GLI3: variants seen among roughly 807,000 people sequenced by gnomAD.
GLI3 encodes transcription activator GLI3.
A neutral mutation model predicts 100.8 loss-of-function variants in GLI3; 20 were observed. The ratio of observed to expected loss-of-function variants is 0.20; its 90% CI spans 0.14 to 0.29. The LOEUF is 0.29. Among genes scored for constraint, GLI3 ranks in the 10% least tolerant of loss-of-function variants. The pLI is 1.00. For missense variants in GLI3, 2,040 were observed against 2,128.5 expected (o/e 0.96, Z 0.82); for synonymous variants, 938 against 860.5 (o/e 1.09, Z -1.58).
At chr7:42,236,089 A>C in intron 1 of GLI3, among the ~76,000 whole-genome samples, 1 of 152,084 alleles carries the variant, frequency 6.6e-6, no homozygotes, top group South Asian at 2.1e-4. Context: ...ACAGGAGCAC[A>C]AAGTTCAGGA....
chr7:41,970,859 A>G (rs1421214664), intron 13 of GLI3, among the ~76,000 whole-genome samples: 3 of 152,216 alleles, frequency 2.0e-5, no homozygotes. Flanking sequence ...GTTCTGTACA[A>G]TTATTATACA....
At chr7:41,988,827 C>G (rs188502303) in intron 10 of GLI3, among the ~76,000 whole-genome samples, 2 of 152,148 alleles carry the variant, frequency 1.3e-5, no homozygotes, top group East Asian at 3.9e-4. Flanking sequence ...TTTCTGAGTT[C>G]TAAGTTATTT....
intron 2 of GLI3, among the ~76,000 whole-genome samples, chr7:42,211,217 C>T (rs934201139): frequency 1.3e-5 from 2 of 149,792 alleles, no homozygotes; most frequent in African/African-American, 2.5e-5. Flanking sequence ...GGAAAAGAGC[C>T]GAAAGGCTTT....
At chr7:42,123,438 G>A (rs188270069) in intron 3 of GLI3, among the ~76,000 whole-genome samples, 16 of 152,162 alleles carry the variant, frequency 1.1e-4, no homozygotes, top group Non-Finnish European at 1.5e-5. Flanking sequence ...AAATACATAC[G>A]CATTAAAATG....
chr7:42,235,612 T>A (rs1275169059), intron 1 of GLI3, among the ~76,000 whole-genome samples: 1 of 152,214 alleles, frequency 6.6e-6, no homozygotes, highest in Non-Finnish European at 1.5e-5. Context: ...GTGTATATAC[T>A]GTGCTCTGGA....
chr7:42,238,308 G>T (rs548370500), upstream of GLI3, among the ~76,000 whole-genome samples: 1 of 152,150 alleles, frequency 6.6e-6, no homozygotes, highest in East Asian at 2.0e-4. Flanking sequence ...TTGCTCAAGG[G>T]CTGGACTCCC....
Position 42,039,705 on chromosome 7 carries a change from T to G in GLI3, c.1028+333A>C, listed in dbSNP as rs543031126. Among the ~76,000 whole-genome samples the G allele has an allele frequency of 9.8e-5, 15 of 152,352 alleles. No homozygotes were observed. In the East Asian group the frequency reaches 2.9e-3, roughly 29 times the overall value. ...TCATACAACCAGGTATGAAGTCAGT[T>G]TTCCTCTAGAGAACATTATTACAAG... On this transcript the variant is annotated intron_variant, in intron 7 of 14. Transcript: ENST00000395925.
chr7:42,014,617 A>G (rs1303302537), intron 10 of GLI3, among the ~76,000 whole-genome samples: 1 of 152,078 alleles, frequency 6.6e-6, no homozygotes, highest in Non-Finnish European at 1.5e-5. Context: ...TCCAATCTCC[A>G]TGAGATGTAT....
intron 1 of GLI3, among the ~76,000 whole-genome samples, chr7:42,263,384 A>C (rs996508979): frequency 6.6e-6 from 1 of 152,194 alleles, no homozygotes; most frequent in Admixed American, 6.5e-5. Context: ...CTGTGGGTCA[A>C]TGTGTACATT....
At chr7:42,202,865 T>C (rs1164263717) in intron 2 of GLI3, among the ~76,000 whole-genome samples, 1 of 152,208 alleles carries the variant, frequency 6.6e-6, no homozygotes, top group Non-Finnish European at 1.5e-5. Context: ...AGTCCCACTC[T>C]TATGCACTCA....
At chr7:42,112,997 A>C (rs1478431177) in intron 3 of GLI3, among the ~76,000 whole-genome samples, 1 of 152,130 alleles carries the variant, frequency 6.6e-6, no homozygotes, top group Admixed American at 6.5e-5. Context: ...ACATGGTGAA[A>C]CCCTGTCTCT....
intron 2 of GLI3, among the ~76,000 whole-genome samples, chr7:42,186,013 A>G (rs1362005629): frequency 6.6e-6 from 1 of 152,212 alleles, no homozygotes; most frequent in Non-Finnish European, 1.5e-5. Flanking sequence ...GCAAATGATC[A>G]CATAAGCCAG....
chr7:42,262,423 C>A (rs12537634), intron 1 of GLI3, among the ~76,000 whole-genome samples: 2 of 152,170 alleles, frequency 1.3e-5, no homozygotes, highest in Admixed American at 1.3e-4. Context: ...CCACAGCCAG[C>A]TAATTTTTTT....
Position 42,055,043 on chromosome 7 carries a change from A to ATATATG in GLI3, c.474-6348_474-6347insCATATA, listed in dbSNP as rs1278982461. 4.5e-3 allele frequency among the ~76,000 whole-genome samples: 645 copies of ATATATG among 142,972 alleles called. 7 individuals carry two copies. The highest frequency in any genetic ancestry group is 0.014 in the African/African-American group (512 of 37,232). 93.8% of individuals were successfully genotyped at this position (142,972 alleles called of 152,430 possible). A position where few individuals can be genotyped will look rare whatever the true frequency, so the allele number is the denominator to read the frequency against. On this transcript the variant is annotated intron_variant, in intron 4 of 14. Coordinates refer to ENST00000395925, the MANE Select transcript of GLI3 (RefSeq NM_000168.6). ...TACATATACACATATATGTATACAT[A>ATATATG]TATATATACACACACATATATGTAT...
intron 2 of GLI3, among the ~76,000 whole-genome samples, chr7:42,191,340 T>C (rs935271515): frequency 6.6e-6 from 1 of 152,178 alleles, no homozygotes; most frequent in African/African-American, 2.4e-5. Context: ...CCGGCCGTGG[T>C]GGCTCTCGCC....
chr7:42,197,215 AAAATC>A (rs1787944621), intron 2 of GLI3, among the ~76,000 whole-genome samples: 1 of 152,214 alleles, frequency 6.6e-6, no homozygotes, highest in Admixed American at 6.5e-5. Context: ...GGTCCCTAGA[AAAATC>A]AAGTCTTCAC....
At chr7:42,017,253 C>A (rs1412189712) in intron 10 of GLI3, among the ~76,000 whole-genome samples, 1 of 152,228 alleles carries the variant, frequency 6.6e-6, no homozygotes, top group African/African-American at 2.4e-5. Flanking sequence ...AGGGCACTAA[C>A]TATTGGCAGA....
chr7:42,257,111 A>G (rs1789092487), intron 1 of GLI3, among the ~76,000 whole-genome samples: 1 of 152,150 alleles, frequency 6.6e-6, no homozygotes, highest in Admixed American at 6.5e-5. Context: ...TGATTTTGAT[A>G]TATTGATCTT....
At chr7:42,181,097 T>A (rs1271056737) in intron 2 of GLI3, among the ~76,000 whole-genome samples, 1 of 152,192 alleles carries the variant, frequency 6.6e-6, no homozygotes, top group Non-Finnish European at 1.5e-5. Flanking sequence ...AGTGGCTGTG[T>A]TCCAATAAAA....
Sources: allele counts gnomAD v4.1 joint callset (sites outside exome capture counted in the v4.1 genomes callset), GRCh38; gene constraint gnomAD v4.1.1; transcripts MANE v1.5; gene names NCBI Gene and HGNC (gene_info 2026-07-23, HGNC 2026-07-21).